Variants in MGAT4A observed in about 807,000 individuals in gnomAD.
MGAT4A encodes N-acetylglucosaminyltransferase IVa.
A neutral mutation model predicts 74.1 loss-of-function variants in MGAT4A; 33 were observed. That is an observed-to-expected ratio of 0.45 (90% CI 0.34 to 0.60). The LOEUF is 0.60. Among genes scored for constraint, MGAT4A ranks in the 20% least tolerant of loss-of-function variants. The pLI is 0.02. For synonymous variants in MGAT4A, 198 were observed against 210.4 expected (o/e 0.94, Z 0.51); for missense variants, 479 against 628.3 (o/e 0.76, Z 2.54).
Position 98,624,035 on chromosome 2 carries a change from C to T in MGAT4A, c.*1531G>A, listed in dbSNP as rs1040614171. On this transcript the variant is annotated 3_prime_UTR_variant, in exon 16 of 16. Coordinates refer to ENST00000393487, the MANE Select transcript of MGAT4A (RefSeq NM_012214.3). Reference sequence around the variant, plus strand: ...ACTTCATCTTTTTTTTTTTTTGAGACGGAGTCTAGCTGTGTCGCCCAGGCT... The same window carrying T: ...ACTTCATCTTTTTTTTTTTTTGAGATGGAGTCTAGCTGTGTCGCCCAGGCT... 71 of 981,400 alleles carry T rather than the reference C, an allele frequency of 7.2e-5. No individual in the cohort carries two copies. In the Middle Eastern group the frequency reaches 2.1e-3, roughly 29 times the overall value. The allele number at this position is 981,400 out of a possible 1,614,324, so 60.8% of individuals were successfully genotyped here. A position where few individuals can be genotyped will look rare whatever the true frequency, so the allele number is the denominator to read the frequency against.
At chr2:98,648,692 A>T (rs1373758737) in intron 8 of MGAT4A, among the ~76,000 whole-genome samples, 1 of 151,592 alleles carries the variant, frequency 6.6e-6, no homozygotes, top group Non-Finnish European at 1.5e-5. Context: ...ACTGCACTCC[A>T]GCCTTGGCAA....
chr2:98,639,294 A>G (rs1027135465), intron 12 of MGAT4A, among the ~76,000 whole-genome samples: 1 of 152,164 alleles, frequency 6.6e-6, no homozygotes, highest in Non-Finnish European at 1.5e-5. Flanking sequence ...AAAAAAAAAA[A>G]AGGAAGAAAG....
rs1701115930 is a variant in MGAT4A, at chr2:98,624,559, C to T, written c.*1007G>A. On this transcript the variant is annotated 3_prime_UTR_variant, in exon 16 of 16. Transcript: ENST00000393487. ...TTCTTTAAAATTATACCAATTATGA[C>T]TCATACAATAGCAACACCTAGAAAA... is the stretch of plus-strand genomic sequence containing the variant. 2 of 982,064 alleles carry T rather than the reference C, an allele frequency of 2.0e-6. No individual in the cohort carries two copies. Among genetic ancestry groups the T allele is most frequent in the Middle Eastern group, 5.2e-4 (1 of 1,928 alleles). 60.8% of individuals were successfully genotyped at this position (982,064 alleles called of 1,614,324 possible).
intron 2 of MGAT4A, among the ~76,000 whole-genome samples, chr2:98,718,672 C>A (rs924554127): frequency 6.6e-6 from 1 of 152,154 alleles, no homozygotes; most frequent in Non-Finnish European, 1.5e-5. Context: ...CTCCTGCTGC[C>A]CCCAAATGCC....
chr2:98,642,777 G>A (rs796609816), intron 10 of MGAT4A, among the ~76,000 whole-genome samples: 10 of 152,162 alleles, frequency 6.6e-5, no homozygotes, highest in East Asian at 1.9e-4. Context: ...ACTAATTGTC[G>A]GAAAACAGAT....
At chr2:98,695,786 C>T (rs1415908832) in intron 2 of MGAT4A, among the ~76,000 whole-genome samples, 1 of 151,862 alleles carries the variant, frequency 6.6e-6, no homozygotes, top group Admixed American at 6.6e-5. Context: ...GGTATTTAAT[C>T]TTAACCAGGT....
At chr2:98,654,738 A>T (rs1375621537) in intron 8 of MGAT4A, among the ~76,000 whole-genome samples, 1 of 152,288 alleles carries the variant, frequency 6.6e-6, no homozygotes, top group South Asian at 2.1e-4. Flanking sequence ...CGATCTACAG[A>T]TTCAATACAA....
chr2:98,666,481 C>A (rs985924488), intron 4 of MGAT4A, among the ~76,000 whole-genome samples: 2 of 152,054 alleles, frequency 1.3e-5, no homozygotes, highest in African/African-American at 4.8e-5. Flanking sequence ...TCGCTTGAGC[C>A]CAGGAGTTCG....
chr2:98,673,884 T>TA (rs900978126), intron 4 of MGAT4A, among the ~76,000 whole-genome samples: 13 of 151,950 alleles, frequency 8.6e-5, no homozygotes, highest in African/African-American at 2.4e-4. Flanking sequence ...ATCAACATTC[T>TA]AAAAAAAACA....
chr2:98,672,429 A>G (rs1335027723), intron 4 of MGAT4A, among the ~76,000 whole-genome samples: 1 of 152,182 alleles, frequency 6.6e-6, no homozygotes, highest in Non-Finnish European at 1.5e-5. Context: ...CATTGCAGCA[A>G]ATACTTCAAG....
chr2:98,666,208 T>G (rs925317674), intron 4 of MGAT4A, among the ~76,000 whole-genome samples: 8 of 152,074 alleles, frequency 5.3e-5, no homozygotes, highest in Non-Finnish European at 7.4e-5. Flanking sequence ...CAAATAGGGC[T>G]TCAGCTGGCA....
chr2:98,630,388 A>G (rs964651694), intron 14 of MGAT4A, among the ~76,000 whole-genome samples: 1 of 152,232 alleles, frequency 6.6e-6, no homozygotes, highest in Non-Finnish European at 1.5e-5. Context: ...CCCACTGTGC[A>G]TTGCTTAGGA....
intron 2 of MGAT4A, among the ~76,000 whole-genome samples, chr2:98,687,480 G>T (rs1169136849): frequency 6.6e-6 from 1 of 152,122 alleles, no homozygotes; most frequent in Non-Finnish European, 1.5e-5. Flanking sequence ...GATATTCCTT[G>T]TATGACCTAT....
chr2:98,718,692 G>A (rs545069476), intron 2 of MGAT4A, among the ~76,000 whole-genome samples: 2 of 152,292 alleles, frequency 1.3e-5, no homozygotes, highest in Non-Finnish European at 2.9e-5. Flanking sequence ...CTGTAGCTAA[G>A]GTTAAGTCCC....
intron 2 of MGAT4A, among the ~76,000 whole-genome samples, chr2:98,679,906 T>C (rs1307253258): frequency 6.6e-6 from 1 of 152,114 alleles, no homozygotes; most frequent in Admixed American, 6.5e-5. Context: ...AGGTACTGAA[T>C]AGTAGTGGAG....
intron 2 of MGAT4A, among the ~76,000 whole-genome samples, chr2:98,722,199 G>T (rs965779925): frequency 1.3e-5 from 2 of 152,192 alleles, no homozygotes; most frequent in Admixed American, 6.5e-5. Flanking sequence ...ACATGTACCT[G>T]AATGTTTATA....
chr2:98,701,694 T>C (rs1359727156), intron 2 of MGAT4A, among the ~76,000 whole-genome samples: 2 of 152,204 alleles, frequency 1.3e-5, no homozygotes, highest in African/African-American at 4.8e-5. Flanking sequence ...AACTTTAACA[T>C]ATCAGCAAGA....
In MGAT4A at chr2:98,643,987, T is replaced by A; in HGVS notation, c.956A>T (p.Lys319Ile). 1.9e-6 allele frequency: 3 copies of A among 1,602,162 alleles called. No homozygotes were observed. The highest frequency in any genetic ancestry group is 2.6e-6 in the Non-Finnish European group (3 of 1,171,820). The change falls in exon 10 of 16, where the codon AAA becomes ATA. Residue 319 changes from lysine to isoleucine, a missense_variant. By Grantham distance (102) the Lys-to-Ile change is moderately radical (BLOSUM62 -3). This residue lies in a region of MGAT4A where 236 missense variants were observed against 308.2 expected (regional missense o/e 0.77). Transcript: ENST00000393487. ...ATGGTCCAGGAGCCAATCAATGGGT[T>A]TCTCCTTGTAAAACATGAATATGAA... ...VEFIFMFYKE[K>I]PIDWLLDHIL...
At chr2:98,694,438 A>G (rs553538413) in intron 2 of MGAT4A, 1 of 153,860 alleles carries the variant, frequency 6.5e-6, no homozygotes, top group African/African-American at 2.4e-5. Flanking sequence ...TCAATAGCCA[A>G]TGCAACTAAT....
Sources: allele counts gnomAD v4.1 joint callset (sites outside exome capture counted in the v4.1 genomes callset), GRCh38; gene constraint gnomAD v4.1.1; regional missense constraint gnomAD v4.1.1; transcripts MANE v1.5; gene names NCBI Gene and HGNC (gene_info 2026-07-23, HGNC 2026-07-21).